UTRN: variants seen among roughly 807,000 people sequenced by gnomAD.
The protein encoded by UTRN is utrophin.
UTRN carries 283 observed loss-of-function variants against 463.9 expected under a neutral mutation model. That is an observed-to-expected ratio of 0.61 (90% CI 0.55 to 0.67). The LOEUF is 0.67. Ranked by LOEUF, UTRN falls within the 30% of genes least tolerant of loss-of-function variation. The pLI is 0.00. For synonymous variants in UTRN, 1,442 were observed against 1,431.5 expected, an observed-to-expected ratio of 1.01 and a Z score of -0.17; for missense variants, 3,922 against 4,084.3, an observed-to-expected ratio of 0.96 and a Z score of 1.08.
intron 46 of UTRN, among the ~76,000 whole-genome samples, chr6:144,543,534 A>G (rs145043506): frequency 1.9e-4 from 28 of 151,298 alleles, no homozygotes; most frequent in African/African-American, 5.3e-4. Flanking sequence ...AATGTGACCA[A>G]CTCTAACTGT....
intron 3 of UTRN, among the ~76,000 whole-genome samples, chr6:144,411,291 T>G (rs1470414732): frequency 1.3e-5 from 2 of 152,238 alleles, no homozygotes; most frequent in African/African-American, 4.8e-5. Context: ...GGTTTTGATT[T>G]GCATTTCCCT....
intron 2 of UTRN, among the ~76,000 whole-genome samples, chr6:144,375,925 C>T (rs1281173399): frequency 1.3e-5 from 2 of 151,962 alleles, no homozygotes; most frequent in African/African-American, 4.8e-5. Context: ...ATGTTTTCTT[C>T]CCCCCCACAT....
Position 144,362,025 on chromosome 6 carries a change from T to C in UTRN, c.80-41098T>C, listed in dbSNP as rs187896777. On this transcript the variant is annotated intron_variant, in intron 2 of 74. Transcript: ENST00000367545. ...AAAGCCAAATTCATCATAGTAATCATAATAATGGCAACAACAACAAAAAAA... is the reference window on the plus strand; with the variant it reads ...AAAGCCAAATTCATCATAGTAATCACAATAATGGCAACAACAACAAAAAAA... Among the ~76,000 whole-genome samples the C allele has an allele frequency of 1.3e-3, 196 of 152,286 alleles. 1 individual carries two copies. The Middle Eastern group carries it at 0.014, about 11-fold the overall frequency.
chr6:144,523,856 A>C (rs1460584769), intron 41 of UTRN, among the ~76,000 whole-genome samples: 1 of 152,226 alleles, frequency 6.6e-6, no homozygotes, highest in Non-Finnish European at 1.5e-5. Context: ...TAGAATCCAT[A>C]TATAGTACCA....
Position 144,700,738 on chromosome 6 carries a change from T to C in UTRN, c.7809+495T>C, listed in dbSNP as rs906145359. Reference sequence around the variant, plus strand: ...GCCTGCCATCACACCCAACTAACTTTGTTTTTTTTTTTTAAGATGGAGTCT... The same window carrying C: ...GCCTGCCATCACACCCAACTAACTTCGTTTTTTTTTTTTAAGATGGAGTCT... On this transcript the variant is annotated intron_variant, in intron 53 of 74. Transcript: ENST00000367545. Among the ~76,000 whole-genome samples the C allele has an allele frequency of 4.0e-5, 6 of 148,300 alleles. No individual in the cohort carries two copies. In the South Asian group the frequency reaches 8.5e-4, roughly 21 times the overall value.
intron 2 of UTRN, among the ~76,000 whole-genome samples, chr6:144,338,512 G>A (rs1323921599): frequency 2.0e-5 from 3 of 152,158 alleles, no homozygotes; most frequent in African/African-American, 7.2e-5. Context: ...TATAGTCATG[G>A]GACTTAGTTC....
intron 47 of UTRN, among the ~76,000 whole-genome samples, 181 bp downstream of exon 47, chr6:144,549,035 G>A (rs1016814434): frequency 2.6e-5 from 4 of 152,180 alleles, no homozygotes; most frequent in African/African-American, 9.7e-5. Context: ...CATTTATACT[G>A]TTGTGATATG....
intron 62 of UTRN, among the ~76,000 whole-genome samples, chr6:144,793,475 G>A (rs1274295911): frequency 2.6e-5 from 4 of 151,760 alleles, no homozygotes; most frequent in Non-Finnish European, 5.9e-5. Flanking sequence ...AATAAGAAGG[G>A]GAGTTCTTAT....
At chr6:144,375,144 A>T (rs1433382236) in intron 2 of UTRN, among the ~76,000 whole-genome samples, 1 of 152,108 alleles carries the variant, frequency 6.6e-6, no homozygotes, top group Non-Finnish European at 1.5e-5. Flanking sequence ...GTTTTTTGAA[A>T]ATATTTTACG....
At chr6:144,773,292 T>A (rs1161646543) in intron 59 of UTRN, among the ~76,000 whole-genome samples, 1 of 152,088 alleles carries the variant, frequency 6.6e-6, no homozygotes, top group East Asian at 1.9e-4. Flanking sequence ...CTGGACAGTG[T>A]GGTTGGAAGA....
intron 2 of UTRN, among the ~76,000 whole-genome samples, chr6:144,300,660 C>T (rs1805157165): frequency 6.6e-6 from 1 of 152,178 alleles, no homozygotes. Context: ...ATGAGACCTG[C>T]TCCTCAGGCA....
intron 2 of UTRN, among the ~76,000 whole-genome samples, chr6:144,371,591 A>G (rs559980880): frequency 6.7e-4 from 102 of 152,282 alleles, no homozygotes; most frequent in Non-Finnish European, 1.3e-3. Context: ...TTGTATTTTT[A>G]GTAGAGATGG....
rs546228846 is a variant in UTRN at position 144,376,592 on chromosome 6, A to G, written c.80-26531A>G. On this transcript the variant is annotated intron_variant, in intron 2 of 74. Transcript: ENST00000367545. ...ATTATAGGTGTGAGCTACCATGCCCAGGCTTCCCAGTGTCATTCTGATTTG... is the reference window on the plus strand; with the variant it reads ...ATTATAGGTGTGAGCTACCATGCCCGGGCTTCCCAGTGTCATTCTGATTTG... Among the ~76,000 whole-genome samples, 6 of 152,080 alleles carry G rather than the reference A, an allele frequency of 3.9e-5. No homozygotes were observed. In the East Asian group the frequency reaches 1.2e-3, roughly 29 times the overall value.
At chr6:144,558,369 G>A (rs1194805774) in intron 50 of UTRN, among the ~76,000 whole-genome samples, 3 of 152,170 alleles carry the variant, frequency 2.0e-5, no homozygotes, top group African/African-American at 7.2e-5. Flanking sequence ...TTAAAGCAGA[G>A]TGGCTATAAT....
chr6:144,743,734 A>G (rs894930530), intron 54 of UTRN, among the ~76,000 whole-genome samples: 2 of 152,166 alleles, frequency 1.3e-5, no homozygotes, highest in Admixed American at 6.5e-5. Context: ...AGAGCGTGGC[A>G]TAAATGCTGT....
intron 26 of UTRN, among the ~76,000 whole-genome samples, chr6:144,480,461 A>G (rs1437812497): frequency 6.6e-6 from 1 of 152,188 alleles, no homozygotes; most frequent in Non-Finnish European, 1.5e-5. Context: ...TCTGAGGTTT[A>G]TTCTTATTTT....
At chr6:144,291,299 C>A (rs1317604809) in intron 1 of UTRN, among the ~76,000 whole-genome samples, 2 of 152,232 alleles carry the variant, frequency 1.3e-5, no homozygotes, top group Non-Finnish European at 2.9e-5. Flanking sequence ...TTGACTGCTC[C>A]ATGATTCTTT....
intron 51 of UTRN, among the ~76,000 whole-genome samples, chr6:144,645,023 C>T (rs1778147673): frequency 6.6e-6 from 1 of 152,110 alleles, no homozygotes. Context: ...TTTTTTCTTT[C>T]AAAAGCTTCC....
chr6:144,806,187 A>G (rs568459310), intron 65 of UTRN, among the ~76,000 whole-genome samples: 5 of 152,318 alleles, frequency 3.3e-5, no homozygotes, highest in African/African-American at 1.2e-4. Flanking sequence ...AACAGTTGTC[A>G]TGCAGTAGGT....
Sources: allele counts gnomAD v4.1 joint callset (sites outside exome capture counted in the v4.1 genomes callset), GRCh38; gene constraint gnomAD v4.1.1; transcripts MANE v1.5; gene names NCBI Gene and HGNC (gene_info 2026-07-23, HGNC 2026-07-21).